Variants in SOX5 observed in about 807,000 individuals in gnomAD.
SOX5 encodes transcription factor SOX-5.
Under a neutral mutation model 92.0 loss-of-function variants are expected in SOX5, and 9 were observed. The ratio of observed to expected loss-of-function variants is 0.10; its 90% confidence interval spans 0.06 to 0.17. The LOEUF (loss-of-function observed/expected upper bound fraction) is 0.17. Ranked by LOEUF, SOX5 falls within the 10% of genes least tolerant of loss-of-function variation. The pLI is 1.00. For synonymous variants in SOX5, 344 were observed against 336.3 expected (o/e 1.02, Z -0.25); for missense variants, 642 against 944.5 (o/e 0.68, Z 4.20).
intron 4 of SOX5, among the ~76,000 whole-genome samples, chr12:23,983,227 T>C (rs1052080039): frequency 1.1e-4 from 17 of 152,138 alleles, no homozygotes; most frequent in African/African-American, 2.4e-5. Flanking sequence ...TATGAAGCCT[T>C]TGAACAGACT....
rs551176900 is a variant in SOX5 at position 24,301,104 on chromosome 12, G to A, written c.-173-23792C>T. Among the ~76,000 whole-genome samples the A allele has an allele frequency of 6.6e-5, 10 of 152,246 alleles. No homozygotes were observed. In the South Asian group the frequency reaches 1.2e-3, roughly 19 times the overall value. ...CAGCTGCCATAACCTTCTGCCACGC[G>A]GAAGACCCAGGGACAAGCAGCCCGC... On this transcript the variant is annotated intron_variant, in intron 2 of 4. Transcript: ENST00000446891.
rs564853933 is a variant in SOX5 at position 24,245,701 on chromosome 12, A to G, written c.-77+31515T>C. ...GAATTGGTTTACGTGAAAATTAGCT[A>G]ATTTTTAACAAGGTTTAAAACCCAA... is the stretch of plus-strand genomic sequence containing the variant. On this transcript the variant is annotated intron_variant, in intron 3 of 4. Transcript: ENST00000446891. Among the ~76,000 whole-genome samples the G allele has an allele frequency of 6.6e-5, 10 of 152,328 alleles. No individual in the cohort carries two copies. The South Asian group carries it at 2.1e-3, about 32-fold the overall frequency.
At chr12:24,001,347 C>T (rs1951591517) in intron 4 of SOX5, among the ~76,000 whole-genome samples, 2 of 152,106 alleles carry the variant, frequency 1.3e-5, no homozygotes. Flanking sequence ...CTACCTTGGC[C>T]TCCCAAAGTG....
rs368207612 is a variant in SOX5, at chr12:24,381,994, T to A, written c.-250-13355A>T. On this transcript the variant is annotated intron_variant, in intron 1 of 4. Coordinates refer to the SOX5 transcript ENST00000446891. ...AAATCGGCCTGAGATTATTCATGTA[T>A]GCAACAAGTATTGTTCCATTTGCGA... 1.3e-4 allele frequency among the ~76,000 whole-genome samples: 20 copies of A among 152,344 alleles called. No individual in the cohort carries two copies. In the East Asian group the frequency reaches 3.3e-3, roughly 25 times the overall value.
intron 4 of SOX5, among the ~76,000 whole-genome samples, chr12:24,126,558 A>G (rs1170968153): frequency 6.6e-6 from 1 of 152,230 alleles, no homozygotes; most frequent in Non-Finnish European, 1.5e-5. Flanking sequence ...ACTTCTCGGC[A>G]TCTCCACCAC....
At chr12:23,717,638 G>A (rs1001025048) in intron 6 of SOX5, among the ~76,000 whole-genome samples, 5 of 152,156 alleles carry the variant, frequency 3.3e-5, no homozygotes, top group Non-Finnish European at 7.4e-5. Context: ...GAGTCCCTAT[G>A]AGTAGGAGCA....
chr12:24,106,832 AT>A (rs1946748048), intron 4 of SOX5, among the ~76,000 whole-genome samples: 2 of 148,002 alleles, frequency 1.4e-5, no homozygotes, highest in Non-Finnish European at 1.5e-5. Flanking sequence ...AATAATAATA[AT>A]AATAATAAAT....
chr12:23,596,517 C>T (rs187772264), intron 9 of SOX5, among the ~76,000 whole-genome samples: 1 of 152,280 alleles, frequency 6.6e-6, no homozygotes, highest in Admixed American at 6.5e-5. Context: ...TAAGAATAGT[C>T]CTCCTTAGTT....
intron 6 of SOX5, 138 bp downstream of exon 6, chr12:23,734,546 T>C: frequency 1.6e-6 from 1 of 638,550 alleles, no homozygotes; most frequent in Non-Finnish European, 2.7e-6. Context: ...AAGATTTCCA[T>C]GGCAGAGGAG....
chr12:23,946,271 A>C (rs549133101), intron 1 of SOX5, among the ~76,000 whole-genome samples: 8 of 152,170 alleles, frequency 5.3e-5, no homozygotes, highest in African/African-American at 1.9e-4. Context: ...TTTCAATCCC[A>C]ACTTTTTTTC....
intron 4 of SOX5, among the ~76,000 whole-genome samples, chr12:24,150,009 T>C (rs1951497474): frequency 1.3e-5 from 2 of 152,114 alleles, no homozygotes; most frequent in South Asian, 4.1e-4. Context: ...AGAAAACAGA[T>C]AGGGACATGA....
intron 3 of SOX5, among the ~76,000 whole-genome samples, chr12:23,772,030 C>T (rs1218116380): frequency 6.6e-6 from 1 of 152,112 alleles, no homozygotes. Flanking sequence ...TTCAAGAAGA[C>T]ATGAAATTTC....
At chr12:24,005,829 C>G (rs1007089475) in intron 4 of SOX5, among the ~76,000 whole-genome samples, 3 of 152,072 alleles carry the variant, frequency 2.0e-5, no homozygotes, top group Middle Eastern at 3.2e-3. Context: ...TACAGAGAAG[C>G]TAAATATAGC....
chr12:23,825,575 C>G (rs542084474), intron 3 of SOX5, among the ~76,000 whole-genome samples: 32 of 152,064 alleles, frequency 2.1e-4, no homozygotes, highest in Admixed American at 5.2e-4. Flanking sequence ...TGTTTGTATG[C>G]GTGTATTTAT....
intron 3 of SOX5, among the ~76,000 whole-genome samples, chr12:24,264,619 G>C (rs1357250): frequency 0.71 from 107,606 of 152,022 alleles, 39,952 homozygotes; most frequent in East Asian, 0.97. Flanking sequence ...CCTTTCGTTA[G>C]AATAATCACG....
intron 4 of SOX5, among the ~76,000 whole-genome samples, chr12:24,095,281 A>C (rs1305095333): frequency 6.6e-6 from 1 of 152,080 alleles, no homozygotes; most frequent in Non-Finnish European, 1.5e-5. Context: ...AGGTTTTATA[A>C]TTAAACAAAA....
intron 2 of SOX5, among the ~76,000 whole-genome samples, chr12:24,320,871 A>T (rs501649): frequency 0.13 from 19,310 of 148,256 alleles, 1,605 homozygotes; most frequent in South Asian, 0.18. Flanking sequence ...TCTCAAAAAA[A>T]AATAATAATA....
chr12:23,654,024 T>C (rs2082006302), intron 7 of SOX5, among the ~76,000 whole-genome samples: 1 of 152,114 alleles, frequency 6.6e-6, no homozygotes, highest in African/African-American at 2.4e-5. Flanking sequence ...TCTTGGCATA[T>C]CAAAAGCCTA....
chr12:23,771,730 T>C (rs560225011), intron 3 of SOX5, among the ~76,000 whole-genome samples: 6 of 152,346 alleles, frequency 3.9e-5, no homozygotes, highest in East Asian at 1.9e-4. Context: ...TCTGCTTCTC[T>C]CGGGGCATTT....
Sources: allele counts gnomAD v4.1 joint callset (sites outside exome capture counted in the v4.1 genomes callset), GRCh38; gene constraint gnomAD v4.1.1; transcripts MANE v1.5; gene names NCBI Gene and HGNC (gene_info 2026-07-23, HGNC 2026-07-21).